The following UMAD1 variants were observed in gnomAD, a reference collection of about 807,000 sequenced individuals.
The protein encoded by UMAD1 is UBAP1-MVB12-associated (UMA) domain containing 1, also known as UBAP1-MVB12-associated (UMA)-domain containing protein 1.
In UMAD1, 8 loss-of-function variants were observed where a neutral mutation model predicts 6.1. The ratio of observed to expected loss-of-function variants is 1.30; its 90% CI spans 0.76 to 2.35. The LOEUF (loss-of-function observed/expected upper bound fraction) is 2.35. UMAD1 is among the 30% of genes most tolerant of loss of function. The pLI, the probability that UMAD1 is intolerant of heterozygous loss-of-function variation, is 0.00. For missense variants in UMAD1, 130 were observed against 78.4 expected, an observed-to-expected ratio of 1.66 and a Z score of -2.49; for synonymous variants, 56 against 31.4, an observed-to-expected ratio of 1.78 and a Z score of -2.61.
intron 2 of UMAD1, among the ~76,000 whole-genome samples, chr7:7,758,993 C>G (rs904778659): frequency 6.6e-6 from 1 of 152,036 alleles, no homozygotes; most frequent in Non-Finnish European, 1.5e-5. Context: ...ATTCTGTGGG[C>G]CTCAGATTTT....
Position 7,692,766 on chromosome 7 carries a change from T to C in UMAD1, c.82+19313T>C, listed in dbSNP as rs28912720. Among the ~76,000 whole-genome samples the C allele has an allele frequency of 7.3e-3, 1,113 of 152,158 alleles. 18 individuals carry two copies. Among genetic ancestry groups the C allele is most frequent in the African/African-American group, 0.026 (1,059 of 41,516 alleles). ...TTGGGACTACAGGCCTGCGCCACCATGCCCAGCTAATTTTCGTATTTTTAG... is the reference window on the plus strand; with the variant it reads ...TTGGGACTACAGGCCTGCGCCACCACGCCCAGCTAATTTTCGTATTTTTAG... On this transcript the variant is annotated intron_variant, in intron 2 of 3. Transcript: ENST00000682710.
At chr7:7,872,745 T>C (rs962144197) in intron 3 of UMAD1, among the ~76,000 whole-genome samples, 2 of 152,188 alleles carry the variant, frequency 1.3e-5, no homozygotes, top group Non-Finnish European at 2.9e-5. Context: ...TCCACTTTAG[T>C]GCAGAATGTG....
chr7:7,658,037 A>G (rs1354379134), intron 1 of UMAD1, among the ~76,000 whole-genome samples: 1 of 151,942 alleles, frequency 6.6e-6, no homozygotes, highest in African/African-American at 2.4e-5. Context: ...TGTCCCTTGT[A>G]AGTTGGATTC....
intron 3 of UMAD1, among the ~76,000 whole-genome samples, chr7:7,819,814 A>G (rs1783207113): frequency 1.3e-5 from 2 of 152,226 alleles, no homozygotes; most frequent in African/African-American, 4.8e-5. Flanking sequence ...TCATCCGGGT[A>G]CACTGTTGAA....
At chr7:7,731,415 A>T (rs1249083570) in intron 2 of UMAD1, among the ~76,000 whole-genome samples, 1 of 151,432 alleles carries the variant, frequency 6.6e-6, no homozygotes, top group African/African-American at 2.4e-5. Flanking sequence ...AGAAATGATG[A>T]TGTCCTGGAC....
At chr7:7,661,105 C>T (rs545113950) in intron 1 of UMAD1, among the ~76,000 whole-genome samples, 9 of 151,900 alleles carry the variant, frequency 5.9e-5, no homozygotes, top group Non-Finnish European at 1.2e-4. Flanking sequence ...TTGATTGATT[C>T]GGCTATTGAT....
chr7:7,715,742 G>A (rs1459411842), intron 2 of UMAD1, among the ~76,000 whole-genome samples: 1 of 152,184 alleles, frequency 6.6e-6, no homozygotes, highest in Admixed American at 6.5e-5. Context: ...ATCAGAGTAT[G>A]TAAAGAGATG....
chr7:7,806,042 C>T (rs2115278946), intron 3 of UMAD1, among the ~76,000 whole-genome samples: 1 of 152,266 alleles, frequency 6.6e-6, no homozygotes, highest in South Asian at 2.1e-4. Context: ...TGTCCATCTG[C>T]CAGGTTAAAG....
At chr7:7,643,277 C>T (rs1025203157) in intron 1 of UMAD1, among the ~76,000 whole-genome samples, 2 of 152,186 alleles carry the variant, frequency 1.3e-5, no homozygotes, top group Admixed American at 6.5e-5. Context: ...CAGGTACACT[C>T]CACCGGAAAA....
At chr7:7,858,967 C>T (rs763740049) in intron 3 of UMAD1, among the ~76,000 whole-genome samples, 11 of 152,126 alleles carry the variant, frequency 7.2e-5, no homozygotes, top group Non-Finnish European at 1.5e-4. Context: ...AAGAACACAA[C>T]TCATGTATTT....
chr7:7,655,082 G>C (rs1035788384), intron 1 of UMAD1, among the ~76,000 whole-genome samples: 1 of 152,072 alleles, frequency 6.6e-6, no homozygotes, highest in African/African-American at 2.4e-5. Flanking sequence ...TACTGTTATA[G>C]TAACAGCAAT....
chr7:7,755,943 C>A (rs1329581864), intron 2 of UMAD1, among the ~76,000 whole-genome samples: 1 of 152,174 alleles, frequency 6.6e-6, no homozygotes, highest in East Asian at 1.9e-4. Flanking sequence ...TGGACTGACA[C>A]ACACTTATCA....
At chr7:7,655,601 G>T (rs1024180637) in intron 1 of UMAD1, among the ~76,000 whole-genome samples, 1 of 152,142 alleles carries the variant, frequency 6.6e-6, no homozygotes, top group South Asian at 2.1e-4. Flanking sequence ...TAAATTCTCA[G>T]TTGGCTGAAA....
intron 2 of UMAD1, among the ~76,000 whole-genome samples, chr7:7,798,602 G>A (rs193003800): frequency 3.2e-4 from 48 of 152,290 alleles, no homozygotes; most frequent in African/African-American, 1.1e-3. Flanking sequence ...GGACCAGAAG[G>A]CACAAGATCC....
chr7:7,676,118 CT>C (rs990611157), intron 2 of UMAD1: 28 of 398,528 alleles, frequency 7.0e-5, no homozygotes, highest in Non-Finnish European at 1.2e-4. Flanking sequence ...CTCAGAGGCT[CT>C]CCAGTGACGT....
At chr7:7,671,842 A>G (rs1474843071) in intron 1 of UMAD1, among the ~76,000 whole-genome samples, 2 of 152,292 alleles carry the variant, frequency 1.3e-5, no homozygotes, top group East Asian at 3.9e-4. Flanking sequence ...TCCAGTAAGC[A>G]CTTTCTTTAA....
intron 3 of UMAD1, among the ~76,000 whole-genome samples, chr7:7,835,462 CTTTTTTT>C (rs150411259): frequency 5.9e-5 from 2 of 33,684 alleles, no homozygotes; most frequent in South Asian, 1.3e-3. Flanking sequence ...TGAAACAGCA[CTTTTTTT>C]TTTTTTTTTT....
chr7:7,670,373 G>A (rs1779576431), intron 1 of UMAD1, among the ~76,000 whole-genome samples: 1 of 152,198 alleles, frequency 6.6e-6, no homozygotes, highest in South Asian at 2.1e-4. Context: ...AAAAGTTCTT[G>A]TAGCACTCTA....
chr7:7,877,233 A>C lies in UMAD1; in HGVS notation c.157-48A>C, dbSNP rs78147724. The C allele has an allele frequency of 4.0e-4, 275 of 688,514 alleles. 3 individuals carry two copies. The African/African-American group carries it at 4.4e-3, about 11-fold the overall frequency. 42.7% of individuals were successfully genotyped at this position (688,514 alleles called of 1,614,324 possible). ...TTAATGCCACATTTACCGTTATTCA[A>C]CCTCAAAGTTCACAAGGCCTAAATG... On this transcript the variant is annotated intron_variant, in intron 3 of 3. Transcript: ENST00000682710.
Sources: allele counts gnomAD v4.1 joint callset (sites outside exome capture counted in the v4.1 genomes callset), GRCh38; gene constraint gnomAD v4.1.1; transcripts MANE v1.5; gene names NCBI Gene and HGNC (gene_info 2026-07-23, HGNC 2026-07-21).